Variants in AK5 observed in about 807,000 individuals in gnomAD.
The protein encoded by AK5 is adenylate kinase isoenzyme 5.
A neutral mutation model predicts 69.5 loss-of-function variants in AK5; 27 were observed. The observed-to-expected ratio is 0.39, with a 90% CI of 0.29 to 0.54. The LOEUF (loss-of-function observed/expected upper bound fraction) is 0.54. Among genes scored for constraint, AK5 ranks in the 20% least tolerant of loss-of-function variants. The pLI, the probability that AK5 is intolerant of heterozygous loss-of-function variation, is 0.71. For synonymous variants in AK5, 260 were observed against 244.4 expected (o/e 1.06, Z -0.60); for missense variants, 531 against 700.4 (o/e 0.76, Z 2.73).
At chr1:77,367,863 T>TATGTTATATATATTATATATCAC (rs1647021446) in intron 6 of AK5, among the ~76,000 whole-genome samples, 2 of 4,504 alleles carry the variant, frequency 4.4e-4, no homozygotes, top group Non-Finnish European at 9.2e-4. Context: ...TAATATATAA[T>TATGTTATATATATTATATATCAC]ATATGTGATA....
At chr1:77,483,558 T>G (rs1655404239) in intron 9 of AK5, among the ~76,000 whole-genome samples, 199 bp downstream of exon 9, 1 of 152,146 alleles carries the variant, frequency 6.6e-6, no homozygotes, top group South Asian at 2.1e-4. Flanking sequence ...CATTGCTAAG[T>G]GATGCATTTC....
At chr1:77,514,449 T>C (rs534439846) in intron 10 of AK5, among the ~76,000 whole-genome samples, 7 of 152,338 alleles carry the variant, frequency 4.6e-5, no homozygotes, top group African/African-American at 1.7e-4. Context: ...AGTCATAAGT[T>C]AAGACCTCAA....
chr1:77,423,672 G>A (rs529790402), intron 8 of AK5, among the ~76,000 whole-genome samples: 2 of 152,040 alleles, frequency 1.3e-5, no homozygotes, highest in African/African-American at 2.4e-5. Context: ...AGTGATAATA[G>A]CTGGAGGTTC....
chr1:77,375,778 G>C (rs1214418139), intron 6 of AK5, among the ~76,000 whole-genome samples: 1 of 152,146 alleles, frequency 6.6e-6, no homozygotes, highest in East Asian at 1.9e-4. Flanking sequence ...AGCATTGGTT[G>C]TGTATGGGAG....
intron 6 of AK5, among the ~76,000 whole-genome samples, chr1:77,362,525 A>G (rs1194501762): frequency 1.3e-5 from 2 of 152,186 alleles, no homozygotes; most frequent in Non-Finnish European, 1.5e-5. Context: ...TCCTTATTGT[A>G]TACCAAAAAA....
chr1:77,439,071 T>C (rs1652144997), intron 8 of AK5, among the ~76,000 whole-genome samples: 1 of 152,300 alleles, frequency 6.6e-6, no homozygotes, highest in South Asian at 2.1e-4. Flanking sequence ...TTTCAGGGGC[T>C]GATAATCTAT....
chr1:77,464,660 C>T (rs1654034310), intron 8 of AK5, among the ~76,000 whole-genome samples: 1 of 152,088 alleles, frequency 6.6e-6, no homozygotes, highest in South Asian at 2.1e-4. Context: ...ACGGGATAGG[C>T]TGGCCCAGAT....
chr1:77,417,781 A>G, intron 8 of AK5, 66 bp downstream of exon 8: 1 of 1,022,090 alleles, frequency 9.8e-7, no homozygotes. Flanking sequence ...TAAATGTTTT[A>G]TGAAAATTTG....
At chr1:77,343,821 G>C (rs963730250) in intron 6 of AK5, among the ~76,000 whole-genome samples, 2 of 152,130 alleles carry the variant, frequency 1.3e-5, no homozygotes, top group African/African-American at 4.8e-5. Flanking sequence ...CCCAGCAAAT[G>C]CTCATCTTTT....
chr1:77,506,485 A>C (rs1324447380), intron 10 of AK5, among the ~76,000 whole-genome samples: 1 of 152,010 alleles, frequency 6.6e-6, no homozygotes, highest in Non-Finnish European at 1.5e-5. Context: ...ACCAACAGGC[A>C]CCAGGAAAGG....
rs10625085 is a variant in AK5 at position 77,477,003 on chromosome 1, AGTGTGTGT to A, written c.1060-6294_1060-6287del. Among the ~76,000 whole-genome samples the A allele has an allele frequency of 2.0e-5, 3 of 147,090 alleles. No homozygotes were observed. In the South Asian group the frequency reaches 6.6e-4, roughly 32 times the overall value. ...TGATCTATTTTTGATTGTTCTTTTT[AGTGTGTGT>A]GTGTGTGTGTGTGTGTGTGCGTGTG... On this transcript the variant is annotated intron_variant, in intron 8 of 13. Transcript: ENST00000354567.
chr1:77,474,072 C>T (rs552529173), intron 8 of AK5, among the ~76,000 whole-genome samples: 2 of 152,254 alleles, frequency 1.3e-5, no homozygotes, highest in East Asian at 1.9e-4. Flanking sequence ...GCAGATTAAA[C>T]GGGTCAAGCT....
chr1:77,307,203 G>A (rs1009921955), intron 5 of AK5, among the ~76,000 whole-genome samples: 3 of 151,206 alleles, frequency 2.0e-5, no homozygotes, highest in Admixed American at 2.0e-4. Context: ...TTTATTTGAA[G>A]TCTTTCCTGT....
At chr1:77,518,839 T>C (rs1657819567) in intron 11 of AK5, 112 bp downstream of exon 11, 1 of 1,065,902 alleles carries the variant, frequency 9.4e-7, no homozygotes, top group South Asian at 1.6e-5. Context: ...AAACAATAGC[T>C]GTATATTATT....
chr1:77,339,179 C>T (rs1400912408), intron 5 of AK5, among the ~76,000 whole-genome samples: 1 of 152,236 alleles, frequency 6.6e-6, no homozygotes, highest in East Asian at 1.9e-4. Context: ...TATGTACATG[C>T]ATAATTTGTA....
intron 13 of AK5, among the ~76,000 whole-genome samples, chr1:77,539,764 GT>G (rs1217173345): frequency 2.0e-5 from 3 of 152,166 alleles, no homozygotes; most frequent in Non-Finnish European, 1.5e-5. Context: ...TGGTTCCTAA[GT>G]AACAGCTTGT....
At chr1:77,414,051 A>C (rs1439766112) in intron 7 of AK5, among the ~76,000 whole-genome samples, 1 of 152,232 alleles carries the variant, frequency 6.6e-6, no homozygotes, top group Admixed American at 6.5e-5. Flanking sequence ...AGGCACTTAT[A>C]GGAGACATTT....
chr1:77,451,220 A>C (rs1443121997), intron 8 of AK5, among the ~76,000 whole-genome samples: 2 of 152,202 alleles, frequency 1.3e-5, no homozygotes, highest in Middle Eastern at 3.2e-3. Flanking sequence ...ACTACATGCT[A>C]TGGAAAATTT....
At chr1:77,356,492 C>G (rs191539220) in intron 6 of AK5, among the ~76,000 whole-genome samples, 2 of 152,250 alleles carry the variant, frequency 1.3e-5, no homozygotes, top group East Asian at 3.9e-4. Flanking sequence ...GCAAACAGAT[C>G]ACAGTTCTAG....
Sources: allele counts gnomAD v4.1 joint callset (sites outside exome capture counted in the v4.1 genomes callset), GRCh38; gene constraint gnomAD v4.1.1; transcripts MANE v1.5; gene names NCBI Gene and HGNC (gene_info 2026-07-23, HGNC 2026-07-21).